The following SLC45A4 variants were observed in gnomAD, a reference collection of about 807,000 sequenced individuals.
The protein encoded by SLC45A4 is polyamine-transporter SLC45A4.
In SLC45A4, 32 loss-of-function variants were observed where a neutral mutation model predicts 63.7. The observed-to-expected ratio is 0.50, with a 90% CI of 0.38 to 0.67. SLC45A4 has a LOEUF of 0.67. Ranked by LOEUF, SLC45A4 falls within the 30% of genes least tolerant of loss-of-function variation. The pLI is 0.00. For synonymous variants in SLC45A4, 535 were observed against 510.0 expected, an observed-to-expected ratio of 1.05 and a Z score of -0.66; for missense variants, 1,027 against 1,157.7, an observed-to-expected ratio of 0.89 and a Z score of 1.64.
At chr8:141,290,458 C>T (rs768135164) in intron 1 of SLC45A4, among the ~76,000 whole-genome samples, 8 of 152,238 alleles carry the variant, frequency 5.3e-5, no homozygotes, top group East Asian at 1.9e-4. Context: ...CTTGACTTTC[C>T]GTGGTGCTCA....
In SLC45A4 at chr8:141,211,231, G is replaced by C. The variant is rs1347361234; in HGVS notation, c.*341C>G. The C allele has an allele frequency of 4.5e-6, 2 of 440,956 alleles. No individual in the cohort carries two copies. Among genetic ancestry groups the C allele is most frequent in the Non-Finnish European group, 8.0e-6 (2 of 250,716 alleles). 27.3% of individuals were successfully genotyped at this position (440,956 alleles called of 1,614,324 possible). A position where few individuals can be genotyped will look rare whatever the true frequency, so the allele number is the denominator to read the frequency against. On this transcript the variant is annotated 3_prime_UTR_variant, in exon 9 of 9. Coordinates refer to ENST00000517878, the MANE Select transcript of SLC45A4 (RefSeq NM_001286646.2). ...AGAGACGAATCAAAGTGCAGTGAAA[G>C]TCAACGTTTCCTTCCCCCTGACGTT...
chr8:141,266,172 G>A (rs989174726), intron 1 of SLC45A4, among the ~76,000 whole-genome samples: 2 of 152,196 alleles, frequency 1.3e-5, no homozygotes, highest in African/African-American at 4.8e-5. Flanking sequence ...AAGCGGTCTA[G>A]CGAGTCCGGA....
chr8:141,276,129 T>C (rs748826479), intron 1 of SLC45A4, among the ~76,000 whole-genome samples: 2 of 152,188 alleles, frequency 1.3e-5, no homozygotes, highest in African/African-American at 4.8e-5. Flanking sequence ...CTTGAACTCC[T>C]GGGCTTAAGT....
At chr8:141,244,593 A>T (rs1245346972) in intron 2 of SLC45A4, among the ~76,000 whole-genome samples, 6 of 152,156 alleles carry the variant, frequency 3.9e-5, no homozygotes, top group Non-Finnish European at 7.3e-5. Flanking sequence ...AGAGATGCAC[A>T]CACTGTGGAG....
intron 2 of SLC45A4, among the ~76,000 whole-genome samples, chr8:141,231,424 C>T (rs1483611343): frequency 6.6e-6 from 1 of 152,238 alleles, no homozygotes; most frequent in Non-Finnish European, 1.5e-5. Flanking sequence ...AGATGACCAG[C>T]TAAGTCCCCG....
intron 1 of SLC45A4, among the ~76,000 whole-genome samples, chr8:141,264,534 T>C (rs1373619824): frequency 2.0e-5 from 3 of 152,144 alleles, no homozygotes; most frequent in South Asian, 4.1e-4. Context: ...CCAAGAACTT[T>C]ATGAGCACGT....
chr8:141,266,833 A>G (rs1411268229), intron 1 of SLC45A4, among the ~76,000 whole-genome samples: 1 of 152,156 alleles, frequency 6.6e-6, no homozygotes, highest in Non-Finnish European at 1.5e-5. Flanking sequence ...TCCAAAACAG[A>G]TCTAACAAGA....
intron 1 of SLC45A4, among the ~76,000 whole-genome samples, chr8:141,276,356 C>CA (rs1161991123): frequency 4.6e-5 from 7 of 152,284 alleles, no homozygotes; most frequent in African/African-American, 1.7e-4. Context: ...CTAGACCTTC[C>CA]AACAGAGGTT....
At chr8:141,300,934 C>G (rs1037872368) in intron 1 of SLC45A4, among the ~76,000 whole-genome samples, 1 of 152,220 alleles carries the variant, frequency 6.6e-6, no homozygotes, top group Non-Finnish European at 1.5e-5. Context: ...TGGACCTTAC[C>G]CGTGGACCAA....
intron 1 of SLC45A4, among the ~76,000 whole-genome samples, chr8:141,295,481 G>C (rs558394412): frequency 1.2e-3 from 176 of 152,316 alleles, no homozygotes; most frequent in African/African-American, 3.8e-3. Context: ...AAGTTTAAGT[G>C]TTATCAGGAA....
chr8:141,294,295 C>T (rs1372540068), intron 1 of SLC45A4, among the ~76,000 whole-genome samples: 3 of 152,228 alleles, frequency 2.0e-5, no homozygotes, highest in South Asian at 2.1e-4. Flanking sequence ...TCTCAGTCAA[C>T]GCCTGCTGTG....
chr8:141,213,430 A>G (rs1825956515), intron 7 of SLC45A4, among the ~76,000 whole-genome samples: 1 of 152,276 alleles, frequency 6.6e-6, no homozygotes, highest in African/African-American at 2.4e-5. Flanking sequence ...TAACAACAGG[A>G]CAACTGGAAA....
At chr8:141,251,228 T>C (rs971883357) in intron 2 of SLC45A4, among the ~76,000 whole-genome samples, 1 of 152,220 alleles carries the variant, frequency 6.6e-6, no homozygotes, top group Non-Finnish European at 1.5e-5. Flanking sequence ...ACGAAATAAA[T>C]GTTTAGTAAA....
At chr8:141,289,371 C>T (rs866646231) in intron 1 of SLC45A4, among the ~76,000 whole-genome samples, 1 of 152,192 alleles carries the variant, frequency 6.6e-6, no homozygotes, top group Non-Finnish European at 1.5e-5. Flanking sequence ...ACTCACTCAC[C>T]CCTTCCATCT....
At chr8:141,274,787 A>C (rs1227843063) in intron 1 of SLC45A4, among the ~76,000 whole-genome samples, 1 of 152,212 alleles carries the variant, frequency 6.6e-6, no homozygotes, top group Non-Finnish European at 1.5e-5. Flanking sequence ...TGAGCCACTA[A>C]AAACATGGGC....
At chr8:141,263,477 A>G (rs1829124926) in intron 1 of SLC45A4, among the ~76,000 whole-genome samples, 1 of 152,040 alleles carries the variant, frequency 6.6e-6, no homozygotes, top group Admixed American at 6.5e-5. Flanking sequence ...TTAGAAAATC[A>G]AGGGTCATGG....
chr8:141,244,957 T>TGGGGGG (rs1243475649), intron 2 of SLC45A4, among the ~76,000 whole-genome samples: 1 of 8,416 alleles, frequency 1.2e-4, no homozygotes, highest in African/African-American at 4.6e-4. Context: ...AAGACGTGGG[T>TGGGGGG]GGGGGGGGGG....
At chr8:141,292,116 C>T (rs1169995400) in intron 1 of SLC45A4, among the ~76,000 whole-genome samples, 1 of 152,262 alleles carries the variant, frequency 6.6e-6, no homozygotes, top group Non-Finnish European at 1.5e-5. Context: ...ACTCCCCGCC[C>T]CTCACCGCCC....
chr8:141,263,769 CAAAAAA>C (rs67335309), intron 1 of SLC45A4, among the ~76,000 whole-genome samples: 9 of 89,140 alleles, frequency 1.0e-4, no homozygotes, highest in African/African-American at 3.4e-4. Flanking sequence ...GACTCCGTCT[CAAAAAA>C]AAAAAAAATA....
Sources: gnomAD v4.1 joint callset for allele counts (sites outside exome capture counted in the v4.1 genomes callset) on GRCh38, gnomAD v4.1.1 for gene constraint, MANE v1.5 for transcripts, NCBI Gene and HGNC (gene_info 2026-07-23, HGNC 2026-07-21) for gene names.